DBNL: variants seen among roughly 807,000 people sequenced by gnomAD.
DBNL encodes drebrin-like protein.
DBNL carries 35 observed loss-of-function variants against 62.2 expected under a neutral mutation model. The observed-to-expected ratio is 0.56, with a 90% CI of 0.43 to 0.75. The LOEUF is 0.75. DBNL is among the 30% of genes least tolerant of loss of function. The pLI is 0.00. For synonymous variants in DBNL, 197 were observed against 218.0 expected (o/e 0.90, Z 0.85); for missense variants, 495 against 578.4 (o/e 0.86, Z 1.48).
intron 7 of DBNL, 36 bp from the exon 8 acceptor site, chr7:44,058,396 T>C: frequency 1.2e-6 from 2 of 1,614,020 alleles, no homozygotes; most frequent in Non-Finnish European, 1.7e-6. Context: ...GCTGTGACTG[T>C]GCCTCAGCTG....
At position 44,058,166 on chromosome 7, in the gene DBNL, G is replaced by T; in HGVS notation, c.590G>T (p.Arg197Leu). Residue 197 changes from arginine to leucine, a missense_variant, in exon 7 of 13, where the codon CGG becomes CTG. Transcript: ENST00000448521. Reference protein sequence around the residue: ...EENRRLEEKRRAEEAQRQLEQ... With the variant: ...EENRRLEEKRLAEEAQRQLEQ... ...AACCGTCGGCTGGAGGAAAAGCGGC[G>T]GGCCGAGGAGGCACAGCGGCAGCTG... The T allele has an allele frequency of 6.4e-7, 1 of 1,555,750 alleles. No homozygotes were observed. The highest frequency in any genetic ancestry group is 8.7e-7 in the Non-Finnish European group (1 of 1,150,090).
chr7:44,060,266 G>T lies in DBNL; in HGVS notation c.1153+113G>T. 1 of 998,732 alleles carries T rather than the reference G, an allele frequency of 1.0e-6. No homozygotes were observed. The allele number at this position is 998,732 out of a possible 1,614,324, so 61.9% of individuals were successfully genotyped here. A position where few individuals can be genotyped will look rare whatever the true frequency, so the allele number is the denominator to read the frequency against. ...CAGGGGGTATCAGGAAGAGAAGACA[G>T]GAGGGTGGGCGGTGCGTTTAGGGGT... On this transcript the variant is annotated intron_variant, in intron 12 of 12. Transcript: ENST00000448521. This position sits in a 1 kb window ranked among gnomAD's most constrained non-coding sequence, Gnocchi z 6.3.
Position 44,058,250 on chromosome 7 carries a change from A to T in DBNL, c.674A>T (p.Gln225Leu), listed in dbSNP as rs1278325084. The change falls in exon 7 of 13, where the codon CAG becomes CTG. Residue 225 changes from glutamine to leucine, a missense_variant. Transcript: ENST00000448521. ...GCTGCACGCCGGGAGCAGCGCTATCAGGAGCAGGGTGGCGAGGCCAGCCCC... is the reference window on the plus strand; with the variant it reads ...GCTGCACGCCGGGAGCAGCGCTATCTGGAGCAGGGTGGCGAGGCCAGCCCC... ...REAARREQRYQEQGGEASPQR... is the reference protein window; with the variant it reads ...REAARREQRYLEQGGEASPQR... 6.3e-7 allele frequency: 1 copy of T among 1,579,134 alleles called. No individual in the cohort carries two copies. Among genetic ancestry groups the T allele is most frequent in the Admixed American group, 1.8e-5 (1 of 54,264 alleles).
chr7:44,064,849 A>G lies in DBNL; in HGVS notation c.*3933A>G, dbSNP rs529416707. ...GGCCTCACCTTCCAGGTGCTTGACA[A>G]TGCCCCGCAGGCTGTTCCCGTGGGC... On this transcript the variant is annotated 3_prime_UTR_variant, in exon 13 of 13. Coordinates refer to ENST00000448521, the MANE Select transcript of DBNL (RefSeq NM_001014436.3). The G allele has an allele frequency of 6.2e-6, 10 of 1,608,414 alleles. No individual in the cohort carries two copies. Among genetic ancestry groups the G allele is most frequent in the East Asian group, 2.2e-5 (1 of 44,802 alleles).
At chr7:44,057,051 C>G in intron 5 of DBNL, 148 bp downstream of exon 5, 1 of 1,226,708 alleles carries the variant, frequency 8.2e-7, no homozygotes, top group South Asian at 1.4e-5. Context: ...TGGTGATTGC[C>G]CACTGACCAG....
intron 3 of DBNL, 110 bp from the exon 4 acceptor site, chr7:44,052,757 G>A (rs374604279): frequency 1.6e-6 from 2 of 1,268,670 alleles, no homozygotes; most frequent in South Asian, 2.6e-5. Context: ...GTTCTGCTTT[G>A]GGGGTTGCAG....
At chr7:44,052,625 A>G (rs2096128586) in intron 3 of DBNL, among the ~76,000 whole-genome samples, 1 of 152,058 alleles carries the variant, frequency 6.6e-6, no homozygotes, top group Non-Finnish European at 1.5e-5. Flanking sequence ...AAAAAAAAAA[A>G]AAGAAAATTC....
In DBNL at chr7:44,062,722, C is replaced by T. The variant is rs896754202; in HGVS notation, c.*1806C>T. ...TGGCATGCACGGCTGCGCTGGACTCCAGGCTGTTGGGGGAGGTGCCTTTAT... is the reference window on the plus strand; with the variant it reads ...TGGCATGCACGGCTGCGCTGGACTCTAGGCTGTTGGGGGAGGTGCCTTTAT... On this transcript the variant is annotated 3_prime_UTR_variant, in exon 13 of 13. Transcript: ENST00000448521. 2 of 1,608,374 alleles carry T rather than the reference C, an allele frequency of 1.2e-6. No homozygotes were observed. Among genetic ancestry groups the T allele is most frequent in the African/African-American group, 2.7e-5 (2 of 74,804 alleles).
Position 44,060,993 on chromosome 7 carries a change from A to AT in DBNL, c.*79dup. 1 of 1,541,002 alleles carries AT rather than the reference A, an allele frequency of 6.5e-7. No homozygotes were observed. The highest frequency in any genetic ancestry group is 8.7e-7 in the Non-Finnish European group (1 of 1,142,860). ...TGGAAGAGGAGGCCTGGGAGTTGAC[A>AT]TTCAGCACTCTTCCAGGAATAGGAC... On this transcript the variant is annotated 3_prime_UTR_variant, in exon 13 of 13. Transcript: ENST00000448521. The surrounding 1 kb of genome is among the most constrained non-coding windows in gnomAD (Gnocchi z 6.3).
chr7:44,069,062 A>G lies in DBNL; in HGVS notation c.*8146A>G, dbSNP rs2096164465. 2.0e-4 allele frequency: 1 copy of G among 4,962 alleles called. No individual in the cohort carries two copies. Among genetic ancestry groups the G allele is most frequent in the Admixed American group, 1.3e-3 (1 of 764 alleles). The allele number at this position is 4,962 out of a possible 1,614,324, so 0.3% of individuals were successfully genotyped here. ...GTAAAAATTTCTATTTTACTGGAAT[A>G]AAAGAATGAAATAAAGACATTCTCA... On this transcript the variant is annotated 3_prime_UTR_variant, in exon 13 of 13. Coordinates refer to ENST00000448521, the MANE Select transcript of DBNL (RefSeq NM_001014436.3).
rs757132071 is a variant in DBNL at position 44,065,458 on chromosome 7, G to C, written c.*4542G>C. 1 of 1,614,128 alleles carries C rather than the reference G, an allele frequency of 6.2e-7. No homozygotes were observed. The highest frequency in any genetic ancestry group is 1.1e-5 in the South Asian group (1 of 91,086). ...TTTCACTCAGCTCTGCATCGAACCA[G>C]CCACAGAAACGGTTCTCCTGGTTCC... On this transcript the variant is annotated 3_prime_UTR_variant, in exon 13 of 13. Coordinates refer to ENST00000448521, the MANE Select transcript of DBNL (RefSeq NM_001014436.3).
At position 44,050,206 on chromosome 7, in the gene DBNL, C is replaced by CA. The variant is rs777666932; in HGVS notation, c.84-18dup. On this transcript the variant is annotated intron_variant, in intron 1 of 12. Coordinates refer to ENST00000448521, the MANE Select transcript of DBNL (RefSeq NM_001014436.3). ...AACCCAAGGTGCTGGCTACAGAGCTCACTTGTGTTTCGTTTCAGGGCTCTC... is the reference window on the plus strand; with the variant it reads ...AACCCAAGGTGCTGGCTACAGAGCTCAACTTGTGTTTCGTTTCAGGGCTCTC... 5.3e-5 allele frequency: 86 copies of CA among 1,613,228 alleles called. No homozygotes were observed. Among genetic ancestry groups the CA allele is most frequent in the Admixed American group, 6.7e-5 (4 of 59,990 alleles).
chr7:44,050,985 C>T (rs2096125623), intron 2 of DBNL: 1 of 152,318 alleles, frequency 6.6e-6, no homozygotes, highest in African/African-American at 2.4e-5. Flanking sequence ...TGGGAGGTGT[C>T]CCCTTTCTAG....
At position 44,059,389 on chromosome 7, in the gene DBNL, A is replaced by G. The variant is rs1430401928; in HGVS notation, c.871A>G (p.Thr291Ala). The G allele has an allele frequency of 6.2e-7, 1 of 1,614,024 alleles. No individual in the cohort carries two copies. Among genetic ancestry groups the G allele is most frequent in the South Asian group, 1.1e-5 (1 of 91,080 alleles). The change falls in exon 10 of 13, where the codon ACC becomes GCC. Residue 291 changes from threonine to alanine, a missense_variant. Thr to Ala is a moderately conservative substitution (Grantham distance 58, BLOSUM62 0). Coordinates refer to ENST00000448521, the MANE Select transcript of DBNL (RefSeq NM_001014436.3). This position sits in a 1 kb window ranked among gnomAD's most constrained non-coding sequence, Gnocchi z 4.1. Reference protein sequence around the residue: ...LRSPFLQKQLTQPETHFGREP... With the variant: ...LRSPFLQKQLAQPETHFGREP... ...GAGCCCCTTCCTGCAGAAGCAGCTC[A>G]CCCAACCAGAGACCCACTTTGGCAG... is the stretch of plus-strand genomic sequence containing the variant.
At position 44,060,677 on chromosome 7, in the gene DBNL, C is replaced by T. The variant is rs2096147027; in HGVS notation, c.1154-100C>T. On this transcript the variant is annotated intron_variant, in intron 12 of 12. Coordinates refer to ENST00000448521, the MANE Select transcript of DBNL (RefSeq NM_001014436.3). This position sits in a 1 kb window ranked among gnomAD's most constrained non-coding sequence, Gnocchi z 6.3. Reference sequence around the variant, plus strand: ...TTCTGAGGAGGAACCAGAGCTGCAGCGAGGTGTGCTGCAGCAGTGTGGGGC... The same window carrying T: ...TTCTGAGGAGGAACCAGAGCTGCAGTGAGGTGTGCTGCAGCAGTGTGGGGC... 1.1e-5 allele frequency: 17 copies of T among 1,501,882 alleles called. No homozygotes were observed. The highest frequency in any genetic ancestry group is 5.5e-5 in the African/African-American group (4 of 72,146). 93.0% of individuals were successfully genotyped at this position (1,501,882 alleles called of 1,614,324 possible).
intron 2 of DBNL, 25 bp from the exon 3 acceptor site, chr7:44,051,805 G>A: frequency 6.2e-7 from 1 of 1,612,230 alleles, no homozygotes; most frequent in Non-Finnish European, 8.5e-7. Context: ...GGCCACCCCT[G>A]ACCTTCACTG....
intron 1 of DBNL, among the ~76,000 whole-genome samples, chr7:44,046,420 C>T (rs1213280687): frequency 6.6e-6 from 1 of 152,184 alleles, no homozygotes; most frequent in African/African-American, 2.4e-5. Flanking sequence ...TTGGGCTTCC[C>T]TCTTCAGACC....
Position 44,065,705 on chromosome 7 carries a change from T to C in DBNL, c.*4789T>C. ...CTGGGGGCTGGGGGCCAGGGGAGTG[T>C]GCAGGCCAAGAGGCTGTGCTTAAAA... On this transcript the variant is annotated 3_prime_UTR_variant, in exon 13 of 13. Transcript: ENST00000448521. The C allele has an allele frequency of 1.5e-6, 1 of 668,010 alleles. No individual in the cohort carries two copies. The highest frequency in any genetic ancestry group is 2.7e-6 in the Non-Finnish European group (1 of 374,196). The allele number at this position is 668,010 out of a possible 1,614,324, so 41.4% of individuals were successfully genotyped here. A position where few individuals can be genotyped will look rare whatever the true frequency, so the allele number is the denominator to read the frequency against.
At position 44,059,996 on chromosome 7, in the gene DBNL, G is replaced by A. The variant is rs375218473; in HGVS notation, c.1048-52G>A. 1.3e-4 allele frequency: 208 copies of A among 1,562,278 alleles called. No homozygotes were observed. Among genetic ancestry groups the A allele is most frequent in the Non-Finnish European group, 1.7e-4 (193 of 1,140,654 alleles). ...CCTGAGCCATGTGGGGCAGAGCAGC[G>A]ATTGTGTGTAAGGGCTGAGTCTGGG... On this transcript the variant is annotated intron_variant, in intron 11 of 12. Transcript: ENST00000448521. This position sits in a 1 kb window ranked among gnomAD's most constrained non-coding sequence, Gnocchi z 4.1.
Sources: allele counts gnomAD v4.1 joint callset (sites outside exome capture counted in the v4.1 genomes callset), GRCh38; gene constraint gnomAD v4.1.1; non-coding constraint Gnocchi (gnomAD v3.1); transcripts MANE v1.5; gene names NCBI Gene and HGNC (gene_info 2026-07-23, HGNC 2026-07-21).